The following RGS22 variants were observed in gnomAD, a reference collection of about 807,000 sequenced individuals.
RGS22 encodes the protein regulator of G protein signaling 22.
A neutral mutation model predicts 172.9 loss-of-function variants in RGS22; 148 were observed. The ratio of observed to expected loss-of-function variants is 0.86; its 90% CI spans 0.75 to 0.98. The LOEUF is 0.98. RGS22 is among the 50% of genes least tolerant of loss of function. RGS22 has a pLI of 0.00. For missense variants in RGS22, 1,347 were observed against 1,440.8 expected (o/e 0.93, Z 1.05); for synonymous variants, 458 against 480.2 (o/e 0.95, Z 0.60).
At chr8:99,984,788 GACACACACACAC>G (rs111285438) in intron 21 of RGS22, among the ~76,000 whole-genome samples, 3 of 139,732 alleles carry the variant, frequency 2.1e-5, no homozygotes, top group East Asian at 2.1e-4. Flanking sequence ...AGTCTTTACG[GACACACACACAC>G]ACACACACAC....
At chr8:100,089,499 C>G (rs1372434507) in intron 3 of RGS22, among the ~76,000 whole-genome samples, 1 of 152,046 alleles carries the variant, frequency 6.6e-6, no homozygotes, top group Non-Finnish European at 1.5e-5. Context: ...ATTCCCAAGC[C>G]AGGTTAAACA....
chr8:100,094,566 A>G (rs1273351526), intron 2 of RGS22, among the ~76,000 whole-genome samples: 2 of 152,180 alleles, frequency 1.3e-5, no homozygotes, highest in African/African-American at 4.8e-5. Context: ...GAAACCTTAA[A>G]AGATTTAGTT....
chr8:100,075,061 C>T lies in RGS22; in HGVS notation c.340-2831G>A, dbSNP rs139584008. Among the ~76,000 whole-genome samples the T allele has an allele frequency of 6.3e-3, 958 of 152,234 alleles. 11 individuals carry two copies. Among genetic ancestry groups the T allele is most frequent in the African/African-American group, 0.021 (892 of 41,546 alleles). ...CTGGGATTACAGGTGTGAGCCACCG[C>T]GCCTGGCCGCATGCAGGTTTTTGTG... On this transcript the variant is annotated intron_variant, in intron 4 of 27. Coordinates refer to ENST00000360863, the MANE Select transcript of RGS22 (RefSeq NM_015668.5).
chr8:100,022,742 A>T (rs1046762230), intron 14 of RGS22, among the ~76,000 whole-genome samples: 20 of 152,074 alleles, frequency 1.3e-4, no homozygotes, highest in South Asian at 6.2e-4. Context: ...TAAATTAATT[A>T]ATTAATTTAT....
chr8:99,998,639 TA>T (rs141868057), intron 19 of RGS22, among the ~76,000 whole-genome samples: 3,002 of 151,760 alleles, frequency 0.02, 47 homozygotes, highest in African/African-American at 0.041. Context: ...CATGCTTTTT[TA>T]AAAAAAAATT....
At chr8:99,975,222 A>T (rs1811804720) in intron 23 of RGS22, among the ~76,000 whole-genome samples, 1 of 152,102 alleles carries the variant, frequency 6.6e-6, no homozygotes, top group African/African-American at 2.4e-5. Context: ...TAATAGTAAT[A>T]ATATATTGGT....
chr8:100,095,162 A>G (rs1812867559), intron 2 of RGS22, among the ~76,000 whole-genome samples: 1 of 152,108 alleles, frequency 6.6e-6, no homozygotes, highest in African/African-American at 2.4e-5. Flanking sequence ...TCAATGAACT[A>G]TCTGAGATGA....
chr8:100,027,594 T>C (rs1818318882), intron 14 of RGS22, among the ~76,000 whole-genome samples: 1 of 152,176 alleles, frequency 6.6e-6, no homozygotes, highest in African/African-American at 2.4e-5. Flanking sequence ...GTGATTCTCC[T>C]GTCTCAGCCT....
chr8:100,072,084 G>A, intron 5 of RGS22, 61 bp downstream of exon 5: 1 of 999,190 alleles, frequency 1.0e-6, no homozygotes, highest in South Asian at 1.4e-5. Context: ...TGTAGTCCTA[G>A]CAAATTGGGA....
At chr8:99,977,053 G>A (rs916128238) in intron 23 of RGS22, among the ~76,000 whole-genome samples, 2 of 151,934 alleles carry the variant, frequency 1.3e-5, no homozygotes, top group African/African-American at 4.8e-5. Context: ...AGACAAATAG[G>A]GAGGCTGCCC....
At chr8:100,091,789 A>G (rs1256093240) in intron 3 of RGS22, 1 of 152,128 alleles carries the variant, frequency 6.6e-6, no homozygotes, top group African/African-American at 2.4e-5. Flanking sequence ...AAGACTATGT[A>G]ATCTGGAAAA....
intron 11 of RGS22, 47 bp downstream of exon 11, chr8:100,047,416 G>A (rs1345443266): frequency 2.0e-6 from 3 of 1,506,840 alleles, no homozygotes; most frequent in African/African-American, 1.4e-5. Context: ...TCTCTAAAAC[G>A]CTTAGTATTG....
At chr8:99,996,122 G>C (rs1814344566) in intron 20 of RGS22, among the ~76,000 whole-genome samples, 1 of 128,338 alleles carries the variant, frequency 7.8e-6, no homozygotes, top group Admixed American at 8.2e-5. Context: ...GGGGTGGGGG[G>C]CTGGGGGAGG....
rs1317448325 is a variant in RGS22, at chr8:99,973,087, AT to A, written c.3519+4829del. On this transcript the variant is annotated intron_variant, in intron 23 of 27. Coordinates refer to ENST00000360863, the MANE Select transcript of RGS22 (RefSeq NM_015668.5). ...GGTGGAAGTGTAAATTAGTTCAACC[AT>A]TGTGGAAGACAGTATGGTGATTCCT... is the stretch of plus-strand genomic sequence containing the variant. Among the ~76,000 whole-genome samples, 4 of 152,228 alleles carry A rather than the reference AT, an allele frequency of 2.6e-5. No individual in the cohort carries two copies. The East Asian group carries it at 7.7e-4, about 29-fold the overall frequency.
intron 14 of RGS22, among the ~76,000 whole-genome samples, chr8:100,030,869 C>A (rs1413998352): frequency 6.6e-6 from 1 of 152,020 alleles, no homozygotes; most frequent in African/African-American, 2.4e-5. Context: ...TGTGAATAAA[C>A]TGACATAAAC....
At position 100,071,353 on chromosome 8, in the gene RGS22, A is replaced by G; in HGVS notation, c.594+16T>C. The G allele has an allele frequency of 6.3e-7, 1 of 1,578,340 alleles. No individual in the cohort carries two copies. Among genetic ancestry groups the G allele is most frequent in the Non-Finnish European group, 8.6e-7 (1 of 1,165,110 alleles). On this transcript the variant is annotated intron_variant, in intron 6 of 27. Transcript: ENST00000360863. ...TAGTGAAGCGCTAAGTCATGAAAAA[A>G]TGCTCATACTTTTACCTCACCAAGT...
chr8:100,086,840 G>C (rs1252851180), intron 3 of RGS22, among the ~76,000 whole-genome samples: 1 of 152,134 alleles, frequency 6.6e-6, no homozygotes, highest in Non-Finnish European at 1.5e-5. Flanking sequence ...ACATGTTTAA[G>C]AATCACTGCT....
At chr8:100,038,332 T>A (rs906524453) in intron 14 of RGS22, among the ~76,000 whole-genome samples, 1 of 91,044 alleles carries the variant, frequency 1.1e-5, no homozygotes, top group African/African-American at 4.5e-5. Flanking sequence ...CTTCCCCCTC[T>A]ATTTTTTTTT....
intron 14 of RGS22, among the ~76,000 whole-genome samples, chr8:100,033,634 C>G (rs1399682131): frequency 6.6e-6 from 1 of 151,664 alleles, no homozygotes; most frequent in Non-Finnish European, 1.5e-5. Flanking sequence ...GAAACTGTTC[C>G]AAACAATAGA....
Sources: gnomAD v4.1 joint callset for allele counts (sites outside exome capture counted in the v4.1 genomes callset) on GRCh38, gnomAD v4.1.1 for gene constraint, MANE v1.5 for transcripts, NCBI Gene and HGNC (gene_info 2026-07-23, HGNC 2026-07-21) for gene names.